Variants in MIPOL1 observed in about 807,000 individuals in gnomAD.
The protein encoded by MIPOL1 is mirror-image polydactyly 1.
Under a neutral mutation model 60.9 loss-of-function variants are expected in MIPOL1, and 57 were observed. The observed-to-expected ratio is 0.94, with a 90% CI of 0.76 to 1.17. MIPOL1 has a LOEUF of 1.17. Ranked by LOEUF, MIPOL1 falls within the 50% of genes most tolerant of loss-of-function variation. The pLI, the probability that MIPOL1 is intolerant of heterozygous loss-of-function variation, is 0.00. For synonymous variants in MIPOL1, 179 were observed against 168.8 expected (o/e 1.06, Z -0.47); for missense variants, 551 against 511.6 (o/e 1.08, Z -0.74).
intron 12 of MIPOL1, among the ~76,000 whole-genome samples, chr14:37,542,840 T>A (rs768947714): frequency 1.3e-5 from 2 of 152,218 alleles, no homozygotes; most frequent in Admixed American, 1.3e-4. Flanking sequence ...GCCTGGCACA[T>A]AGGAATTGCC....
chr14:37,356,160 C>A (rs2091799676), intron 9 of MIPOL1, among the ~76,000 whole-genome samples: 1 of 151,288 alleles, frequency 6.6e-6, no homozygotes, highest in Admixed American at 6.6e-5. Flanking sequence ...GTTGGAATAC[C>A]CTGCTGTGTG....
At chr14:37,536,109 C>T (rs1376776758) in intron 12 of MIPOL1, among the ~76,000 whole-genome samples, 1 of 152,092 alleles carries the variant, frequency 6.6e-6, no homozygotes, top group Non-Finnish European at 1.5e-5. Context: ...GGGGAAAGGG[C>T]TGAATTAGAT....
At chr14:37,431,346 C>T (rs1175959629) in intron 11 of MIPOL1, among the ~76,000 whole-genome samples, 1 of 151,960 alleles carries the variant, frequency 6.6e-6, no homozygotes, top group Admixed American at 6.6e-5. Context: ...TTGCCTTTGC[C>T]TACTTAGACT....
chr14:37,437,506 G>T (rs541605481), intron 11 of MIPOL1, among the ~76,000 whole-genome samples: 1 of 152,230 alleles, frequency 6.6e-6, no homozygotes, highest in East Asian at 1.9e-4. Flanking sequence ...AATTAATAAT[G>T]AAGAAAACGT....
At chr14:37,225,199 T>C (rs1314346613) in intron 1 of MIPOL1, among the ~76,000 whole-genome samples, 1 of 152,194 alleles carries the variant, frequency 6.6e-6, no homozygotes, top group Non-Finnish European at 1.5e-5. Context: ...TGGTGCAAGC[T>C]GTCAGTACTT....
rs2088220901 is a variant in MIPOL1 at position 37,318,803 on chromosome 14, A to AG, written c.828+10284_828+10285insG. 8.9e-5 allele frequency among the ~76,000 whole-genome samples: 6 copies of AG among 67,658 alleles called. No individual in the cohort carries two copies. In the South Asian group the frequency reaches 1.5e-3, roughly 17 times the overall value. The allele number at this position is 67,658 out of a possible 152,430, so 44.4% of individuals were successfully genotyped here. On this transcript the variant is annotated intron_variant, in intron 9 of 12. Coordinates refer to ENST00000684589, the MANE Select transcript of MIPOL1 (RefSeq NM_001388067.1). ...TAATTTTACTTCATTTTATTTATTT[A>AG]TTTATTTATTTATTTATTTATTTAG...
chr14:37,478,428 T>C (rs1192414986), intron 11 of MIPOL1, among the ~76,000 whole-genome samples: 1 of 152,152 alleles, frequency 6.6e-6, no homozygotes, highest in African/African-American at 2.4e-5. Flanking sequence ...GCAGAGAAAT[T>C]CATTGACAAA....
chr14:37,333,173 T>C (rs959085587), intron 9 of MIPOL1, among the ~76,000 whole-genome samples: 3 of 152,148 alleles, frequency 2.0e-5, no homozygotes, highest in African/African-American at 7.2e-5. Context: ...GTAATCTGTG[T>C]GTGTGTGTAT....
At chr14:37,472,429 A>G (rs1289460166) in intron 11 of MIPOL1, among the ~76,000 whole-genome samples, 2 of 67,290 alleles carry the variant, frequency 3.0e-5, no homozygotes, top group Non-Finnish European at 5.9e-5. Context: ...ATTTCCAATT[A>G]TGGAGAAACT....
At chr14:37,491,158 A>G (rs1162048447) in intron 11 of MIPOL1, among the ~76,000 whole-genome samples, 1 of 152,222 alleles carries the variant, frequency 6.6e-6, no homozygotes, top group African/African-American at 2.4e-5. Context: ...CACCAAATTT[A>G]TGAAGCACAC....
At chr14:37,305,999 A>G (rs2086756610) in intron 7 of MIPOL1, among the ~76,000 whole-genome samples, 1 of 151,896 alleles carries the variant, frequency 6.6e-6, no homozygotes, top group Non-Finnish European at 1.5e-5. Flanking sequence ...CACACAAATT[A>G]TTTAAAGTCT....
At chr14:37,466,032 A>G (rs1434784881) in intron 11 of MIPOL1, among the ~76,000 whole-genome samples, 5 of 152,194 alleles carry the variant, frequency 3.3e-5, no homozygotes, top group East Asian at 3.8e-4. Context: ...TAAAAAGTCA[A>G]TAGGCAAAGC....
At chr14:37,401,118 T>C (rs924728767) in intron 10 of MIPOL1, 1 of 152,080 alleles carries the variant, frequency 6.6e-6, no homozygotes, top group African/African-American at 2.4e-5. Context: ...AATAATGATT[T>C]GGAACAGCAA....
chr14:37,434,493 TTGTC>T (rs1296325163), intron 11 of MIPOL1: 1 of 152,124 alleles, frequency 6.6e-6, no homozygotes, highest in Non-Finnish European at 1.5e-5. Context: ...CTTCACGAAT[TTGTC>T]TGTCATCCTT....
Position 37,547,990 on chromosome 14 carries a change from T to C in MIPOL1, c.*1019T>C, listed in dbSNP as rs1338454663. On this transcript the variant is annotated 3_prime_UTR_variant, in exon 13 of 13. Coordinates refer to ENST00000684589, the MANE Select transcript of MIPOL1 (RefSeq NM_001388067.1). ...AGATAGTTACAGCATAGCAGTCATA[T>C]GAAGTTATGAATAGAACTGAGATTT... The C allele has an allele frequency of 6.6e-6, 1 of 152,102 alleles. No homozygotes were observed. The highest frequency in any genetic ancestry group is 1.5e-5 in the Non-Finnish European group (1 of 67,940). The allele number at this position is 152,102 out of a possible 1,614,324, so 9.4% of individuals were successfully genotyped here. A position where few individuals can be genotyped will look rare whatever the true frequency, so the allele number is the denominator to read the frequency against.
intron 5 of MIPOL1, among the ~76,000 whole-genome samples, chr14:37,269,110 G>A (rs561423401): frequency 1.3e-5 from 2 of 152,054 alleles, no homozygotes; most frequent in African/African-American, 4.8e-5. Context: ...TAGAGAATGG[G>A]AGATAGAATG....
intron 9 of MIPOL1, among the ~76,000 whole-genome samples, chr14:37,367,885 A>G (rs2092526144): frequency 6.6e-6 from 1 of 152,082 alleles, no homozygotes; most frequent in African/African-American, 2.4e-5. Context: ...GTCCTTAGTA[A>G]CACACACTGT....
intron 11 of MIPOL1, among the ~76,000 whole-genome samples, chr14:37,437,999 C>A (rs2153564134): frequency 6.6e-6 from 1 of 152,094 alleles, no homozygotes; most frequent in Non-Finnish European, 1.5e-5. Context: ...TCTTTAGGAA[C>A]AAGTTTTCGC....
chr14:37,274,264 C>T (rs943568334), intron 6 of MIPOL1, among the ~76,000 whole-genome samples: 6 of 151,324 alleles, frequency 4.0e-5, no homozygotes, highest in Non-Finnish European at 7.4e-5. Context: ...TCCTTTGTTT[C>T]CCCACTGGTT....
Sources: gnomAD v4.1 joint callset for allele counts (sites outside exome capture counted in the v4.1 genomes callset) on GRCh38, gnomAD v4.1.1 for gene constraint, MANE v1.5 for transcripts, NCBI Gene and HGNC (gene_info 2026-07-23, HGNC 2026-07-21) for gene names.